B3GALT5: variants seen among roughly 807,000 people sequenced by gnomAD.
B3GALT5 encodes UDP-Gal:betaGlcNAc beta 1,3-galactosyltransferase, polypeptide 5.
For synonymous variants in B3GALT5, 156 were observed against 158.6 expected (o/e 0.98, Z 0.12); for missense variants, 328 against 396.6 (o/e 0.83, Z 1.47).
In B3GALT5 at chr21:39,659,770, A is replaced by G; in HGVS notation, c.-143A>G. ...TTTCCTAGTGATTCCTGTCAGAATC[A>G]CCATTTTTGGTAAACAAACCAAGCC... On this transcript the variant is annotated 5_prime_UTR_variant, in exon 3 of 4. Coordinates refer to ENST00000684187, the MANE Select transcript of B3GALT5 (RefSeq NM_001356336.2). The G allele has an allele frequency of 1.0e-6, 1 of 984,392 alleles. No individual in the cohort carries two copies. The highest frequency in any genetic ancestry group is 5.2e-4 in the Middle Eastern group (1 of 1,914). The allele number at this position is 984,392 out of a possible 1,614,324, so 61.0% of individuals were successfully genotyped here.
intron 1 of B3GALT5, among the ~76,000 whole-genome samples, chr21:39,613,892 T>G (rs567498198): frequency 6.6e-6 from 1 of 152,356 alleles, no homozygotes; most frequent in East Asian, 1.9e-4. Flanking sequence ...ATAGCAAACT[T>G]AAGTCTTTGT....
In B3GALT5 at chr21:39,633,971, C is replaced by T. The variant is rs539733300; in HGVS notation, c.-391-12421C>T. On this transcript the variant is annotated intron_variant, in intron 1 of 3. Transcript: ENST00000684187. ...GGTGTTGGCGTCTGTAATATTTGTG[C>T]ATGACTGACTACACAGCTCTCCTTC... 5.3e-5 allele frequency among the ~76,000 whole-genome samples: 8 copies of T among 152,288 alleles called. No homozygotes were observed. The East Asian group carries it at 1.4e-3, about 26-fold the overall frequency.
rs1337412987 is a variant in B3GALT5, at chr21:39,663,692, G to A, written c.*2200G>A. The A allele has an allele frequency of 6.6e-6, 1 of 152,168 alleles. No homozygotes were observed. 9.4% of individuals were successfully genotyped at this position (152,168 alleles called of 1,614,324 possible). ...TTATTTCATGAATCTAGAACTTGAA[G>A]GAACCTTAGAGCTCATTCAATCCTG... On this transcript the variant is annotated 3_prime_UTR_variant, in exon 4 of 4. Coordinates refer to ENST00000684187, the MANE Select transcript of B3GALT5 (RefSeq NM_001356336.2).
At chr21:39,647,016 G>A (rs755004189) in intron 2 of B3GALT5, among the ~76,000 whole-genome samples, 8 of 152,052 alleles carry the variant, frequency 5.3e-5, no homozygotes, top group Admixed American at 2.0e-4. Context: ...CAGGAGGATC[G>A]CTTAACCCTG....
At chr21:39,621,688 T>G (rs2079135306) in intron 1 of B3GALT5, among the ~76,000 whole-genome samples, 1 of 152,152 alleles carries the variant, frequency 6.6e-6, no homozygotes, top group Non-Finnish European at 1.5e-5. Flanking sequence ...GTTTTGAAAT[T>G]TATTGGCATA....
chr21:39,639,296 T>TTCTTTCTTTCTTTCTC (rs1569211983), intron 1 of B3GALT5, among the ~76,000 whole-genome samples: 3 of 59,080 alleles, frequency 5.1e-5, no homozygotes, highest in African/African-American at 2.1e-4. Flanking sequence ...GGCTCTTTCT[T>TTCTTTCTTTCTTTCTC]TCTTTCTTTC....
At chr21:39,614,867 A>G (rs1443485982) in intron 1 of B3GALT5, among the ~76,000 whole-genome samples, 1 of 152,196 alleles carries the variant, frequency 6.6e-6, no homozygotes, top group East Asian at 1.9e-4. Context: ...TGCCAGGCCT[A>G]GAGCCTGATC....
At chr21:39,654,612 C>T (rs754478359) in intron 2 of B3GALT5, among the ~76,000 whole-genome samples, 8 of 152,142 alleles carry the variant, frequency 5.3e-5, no homozygotes, top group South Asian at 2.1e-4. Context: ...CAAATGGCGT[C>T]GCATGCTACA....
At chr21:39,616,088 C>CT (rs997282700) in intron 1 of B3GALT5, among the ~76,000 whole-genome samples, 23 of 151,408 alleles carry the variant, frequency 1.5e-4, no homozygotes, top group East Asian at 3.9e-4. Flanking sequence ...TGGTCCCTGT[C>CT]TTTTTTTTTG....
At position 39,666,160 on chromosome 21, in the gene B3GALT5, C is replaced by G. The variant is rs532162964; in HGVS notation, c.*4668C>G. ...TGAAAACCTAGAAATGCTCCACAGC[C>G]ATGCTCTTCACCCCTTTTCTTCCAA... On this transcript the variant is annotated 3_prime_UTR_variant, in exon 4 of 4. Transcript: ENST00000684187. The G allele has an allele frequency of 1.3e-5, 2 of 152,324 alleles. No homozygotes were observed. The highest frequency in any genetic ancestry group is 2.9e-5 in the Non-Finnish European group (2 of 68,082). 9.4% of individuals were successfully genotyped at this position (152,324 alleles called of 1,614,324 possible). A position where few individuals can be genotyped will look rare whatever the true frequency, so the allele number is the denominator to read the frequency against.
At chr21:39,619,148 A>G (rs1403026834) in intron 1 of B3GALT5, among the ~76,000 whole-genome samples, 1 of 152,102 alleles carries the variant, frequency 6.6e-6, no homozygotes, top group Non-Finnish European at 1.5e-5. Context: ...ATGAGATACC[A>G]TAGACTGGAT....
chr21:39,621,624 A>G lies in B3GALT5; in HGVS notation c.-392+8557A>G, dbSNP rs572260366. On this transcript the variant is annotated intron_variant, in intron 1 of 3. Transcript: ENST00000684187. ...ATTTCCTTTTGTTTATTCAGGTTCT[A>G]TTCCTTTTCAATGAACTACATTAAT... Among the ~76,000 whole-genome samples the G allele has an allele frequency of 1.2e-4, 19 of 152,160 alleles. 1 individual carries two copies. The highest frequency in any genetic ancestry group is 1.1e-3 in the Admixed American group (17 of 15,288).
intron 1 of B3GALT5, among the ~76,000 whole-genome samples, chr21:39,629,714 G>A (rs2079182039): frequency 6.6e-6 from 1 of 152,098 alleles, no homozygotes; most frequent in African/African-American, 2.4e-5. Context: ...ATCTGTTATT[G>A]CAGATGTAAT....
intron 1 of B3GALT5, among the ~76,000 whole-genome samples, chr21:39,638,433 G>A (rs113646077): frequency 0.01 from 1,534 of 152,256 alleles, 38 homozygotes; most frequent in African/African-American, 0.035. Context: ...ATGCGGAGGC[G>A]GGCTAGGGCA....
chr21:39,637,006 T>G (rs1230908363), intron 1 of B3GALT5, among the ~76,000 whole-genome samples: 1 of 152,180 alleles, frequency 6.6e-6, no homozygotes, highest in Non-Finnish European at 1.5e-5. Context: ...TTAGTGTCTG[T>G]GTTTTTGGAG....
At chr21:39,622,678 A>T (rs1288791287) in intron 1 of B3GALT5, among the ~76,000 whole-genome samples, 1 of 152,136 alleles carries the variant, frequency 6.6e-6, no homozygotes, top group East Asian at 1.9e-4. Context: ...TTGTGTTTCT[A>T]AGCAAGTGAA....
In B3GALT5 at chr21:39,662,965, A is replaced by G. The variant is rs141243984; in HGVS notation, c.*1473A>G. The stretch of plus-strand genomic sequence containing the variant: ...ATTGCAAAAGTACGTCTGATATCCT[A>G]TTTTGCATACCATTTCTTGTGTTTG... On this transcript the variant is annotated 3_prime_UTR_variant, in exon 4 of 4. Coordinates refer to ENST00000684187, the MANE Select transcript of B3GALT5 (RefSeq NM_001356336.2). 1.3e-5 allele frequency: 2 copies of G among 156,274 alleles called. No individual in the cohort carries two copies. The highest frequency in any genetic ancestry group is 4.2e-4 in the South Asian group (2 of 4,818). The allele number at this position is 156,274 out of a possible 1,614,324, so 9.7% of individuals were successfully genotyped here. A position where few individuals can be genotyped will look rare whatever the true frequency, so the allele number is the denominator to read the frequency against.
intron 2 of B3GALT5, among the ~76,000 whole-genome samples, chr21:39,647,069 C>G (rs1021182403): frequency 1.2e-4 from 19 of 152,046 alleles, no homozygotes; most frequent in African/African-American, 4.1e-4. Flanking sequence ...CCTCCGCACT[C>G]CAGCCTGGGT....
intron 1 of B3GALT5, among the ~76,000 whole-genome samples, chr21:39,634,841 A>G (rs74741753): frequency 6.6e-6 from 1 of 152,152 alleles, no homozygotes; most frequent in Non-Finnish European, 1.5e-5. Context: ...CTCAAAGCAC[A>G]TTCCCTATTC....
Sources: allele counts gnomAD v4.1 joint callset (sites outside exome capture counted in the v4.1 genomes callset), GRCh38; gene constraint gnomAD v4.1.1; transcripts MANE v1.5; gene names NCBI Gene and HGNC (gene_info 2026-07-23, HGNC 2026-07-21).